Variants in MLLT10 observed in about 807,000 individuals in gnomAD.
The protein encoded by MLLT10 is protein AF-10.
In MLLT10, 30 loss-of-function variants were observed where a neutral mutation model predicts 129.1. The ratio of observed to expected loss-of-function variants is 0.23; its 90% CI spans 0.17 to 0.32. The LOEUF (loss-of-function observed/expected upper bound fraction) is 0.32. Ranked by LOEUF, MLLT10 falls within the 10% of genes least tolerant of loss-of-function variation. The pLI is 1.00. For synonymous variants in MLLT10, 490 were observed against 446.4 expected (o/e 1.10, Z -1.23); for missense variants, 1,119 against 1,268.3 (o/e 0.88, Z 1.79).
chr10:21,633,091 G>A (rs927334411), intron 8 of MLLT10, among the ~76,000 whole-genome samples: 2 of 152,088 alleles, frequency 1.3e-5, no homozygotes, highest in Non-Finnish European at 2.9e-5. Flanking sequence ...TAAATTGCCC[G>A]TAACAGATGA....
At chr10:21,579,421 G>C (rs183708326) in intron 3 of MLLT10, among the ~76,000 whole-genome samples, 40 of 150,762 alleles carry the variant, frequency 2.7e-4, no homozygotes, top group South Asian at 1.0e-3. Flanking sequence ...TTTCTTTCCT[G>C]CCTCATATTC....
chr10:21,738,406 A>G lies in MLLT10; in HGVS notation c.2956-1624A>G, dbSNP rs567999184. ...ATCAAGATTTTACTCTAATAATAGC[A>G]TGTGTAGCTGTCTCATTTCCAGAAC... On this transcript the variant is annotated intron_variant, in intron 21 of 22. Coordinates refer to ENST00000307729, the MANE Select transcript of MLLT10 (RefSeq NM_001195626.3). 8.5e-6 allele frequency: 11 copies of G among 1,288,760 alleles called. No homozygotes were observed. In the African/African-American group the frequency reaches 1.4e-4, roughly 16 times the overall value. The allele number at this position is 1,288,760 out of a possible 1,614,324, so 79.8% of individuals were successfully genotyped here.
chr10:21,619,934 C>CT lies in MLLT10; in HGVS notation c.699+2741dup, dbSNP rs59738804. Among the ~76,000 whole-genome samples the CT allele has an allele frequency of 6.5e-3, 887 of 136,216 alleles. 3 individuals are homozygous for CT. Among genetic ancestry groups the CT allele is most frequent in the African/African-American group, 0.015 (554 of 37,446 alleles). The allele number at this position is 136,216 out of a possible 152,430, so 89.4% of individuals were successfully genotyped here. On this transcript the variant is annotated intron_variant, in intron 8 of 22. Coordinates refer to ENST00000307729, the MANE Select transcript of MLLT10 (RefSeq NM_001195626.3). ...TTAAGTTTTTTTTTCTTTTTCTTTT[C>CT]TTTTTTTTTTTTTTGTCGCTTAGGC...
At chr10:21,562,780 T>A (rs1298092288) in intron 3 of MLLT10, among the ~76,000 whole-genome samples, 12 of 151,902 alleles carry the variant, frequency 7.9e-5, no homozygotes, top group Admixed American at 7.9e-4. Flanking sequence ...AATCTTGCGT[T>A]TTCTTCATTG....
At chr10:21,737,286 GGA>G (rs2058451655) in intron 21 of MLLT10, among the ~76,000 whole-genome samples, 1 of 152,110 alleles carries the variant, frequency 6.6e-6, no homozygotes, top group Non-Finnish European at 1.5e-5. Context: ...GAAATGGGAG[GGA>G]GAGGAAGTAA....
intron 8 of MLLT10, chr10:21,626,172 C>T: frequency 2.5e-6 from 4 of 1,608,400 alleles, no homozygotes; most frequent in South Asian, 2.2e-5. Context: ...TTGTTCTGAA[C>T]ATGTGATAAG....
chr10:21,709,836 C>G (rs1459531830), intron 13 of MLLT10, among the ~76,000 whole-genome samples: 1 of 152,088 alleles, frequency 6.6e-6, no homozygotes, highest in African/African-American at 2.4e-5. Flanking sequence ...CTCCCAGGCT[C>G]AAGCAGTTCT....
intron 3 of MLLT10, among the ~76,000 whole-genome samples, chr10:21,540,719 T>G (rs548583369): frequency 1.3e-5 from 2 of 152,362 alleles, no homozygotes; most frequent in South Asian, 4.1e-4. Flanking sequence ...TATTATTTAT[T>G]CCAAGACATC....
At chr10:21,635,437 G>A (rs1018241820) in intron 8 of MLLT10, among the ~76,000 whole-genome samples, 7 of 151,854 alleles carry the variant, frequency 4.6e-5, no homozygotes, top group Non-Finnish European at 7.4e-5. Flanking sequence ...GTGGCATGAT[G>A]TTGGCTCGCT....
At chr10:21,607,563 C>T (rs552181004) in intron 5 of MLLT10, among the ~76,000 whole-genome samples, 50 of 152,046 alleles carry the variant, frequency 3.3e-4, no homozygotes, top group Non-Finnish European at 5.4e-4. Flanking sequence ...CCAGGTGATC[C>T]GCCCACCTTG....
At position 21,709,683 on chromosome 10, in the gene MLLT10, G is replaced by T. The variant is rs182189022; in HGVS notation, c.1700-4089G>T. ...AATATAAAGTTTATAAATAATCACT[G>T]CATTAACATGCTGTCTCTTTTCTGG... On this transcript the variant is annotated intron_variant, in intron 13 of 22. Coordinates refer to ENST00000307729, the MANE Select transcript of MLLT10 (RefSeq NM_001195626.3). 4.4e-3 allele frequency among the ~76,000 whole-genome samples: 670 copies of T among 152,266 alleles called. 8 individuals carry two copies. Among genetic ancestry groups the T allele is most frequent in the African/African-American group, 0.015 (632 of 41,548 alleles).
chr10:21,722,049 TTA>T (rs2057170935), intron 14 of MLLT10, among the ~76,000 whole-genome samples: 3 of 151,868 alleles, frequency 2.0e-5, no homozygotes, highest in Admixed American at 2.0e-4. Context: ...CTATATATTC[TTA>T]TATATATTAT....
chr10:21,577,461 G>GTTTT (rs34503343), intron 3 of MLLT10, among the ~76,000 whole-genome samples: 1 of 126,580 alleles, frequency 7.9e-6, no homozygotes, highest in Non-Finnish European at 1.7e-5. Flanking sequence ...ATAGATGAAG[G>GTTTT]TTTTTTTTTT....
At chr10:21,599,321 G>A (rs558629679) in intron 5 of MLLT10, among the ~76,000 whole-genome samples, 9 of 152,190 alleles carry the variant, frequency 5.9e-5, no homozygotes, top group African/African-American at 1.7e-4. Flanking sequence ...CAGCCTGGGC[G>A]ACAGAATGAG....
intron 8 of MLLT10, among the ~76,000 whole-genome samples, chr10:21,643,361 A>G (rs373039918): frequency 2.6e-4 from 39 of 152,096 alleles, no homozygotes; most frequent in East Asian, 9.7e-4. Context: ...AGACATTTCT[A>G]TTTTTTCAGG....
At chr10:21,735,593 G>C (rs2131584829) in intron 21 of MLLT10, among the ~76,000 whole-genome samples, 1 of 152,302 alleles carries the variant, frequency 6.6e-6, no homozygotes, top group African/African-American at 2.4e-5. Context: ...GTGGGGAAGA[G>C]CATAGGGAAC....
chr10:21,664,579 C>T (rs897324992), intron 9 of MLLT10, among the ~76,000 whole-genome samples: 5 of 151,426 alleles, frequency 3.3e-5, no homozygotes, highest in Admixed American at 2.6e-4. Flanking sequence ...ACAGGCGTGC[C>T]CGGCTCTATG....
chr10:21,636,025 A>G (rs571248108), intron 8 of MLLT10, among the ~76,000 whole-genome samples: 1 of 151,170 alleles, frequency 6.6e-6, no homozygotes, highest in African/African-American at 2.4e-5. Flanking sequence ...CTTGTACCCA[A>G]ATTCAGCACT....
intron 4 of MLLT10, among the ~76,000 whole-genome samples, chr10:21,592,072 T>C (rs969376219): frequency 6.6e-6 from 1 of 152,214 alleles, no homozygotes; most frequent in Non-Finnish European, 1.5e-5. Context: ...AGACTTCTTT[T>C]ACCTGTTTTT....
Sources: gnomAD v4.1 joint callset for allele counts (sites outside exome capture counted in the v4.1 genomes callset) on GRCh38, gnomAD v4.1.1 for gene constraint, MANE v1.5 for transcripts, NCBI Gene and HGNC (gene_info 2026-07-23, HGNC 2026-07-21) for gene names.